The following CPA4 variants were observed in gnomAD, a reference collection of about 807,000 sequenced individuals.
The protein encoded by CPA4 is carboxypeptidase A3.
In CPA4, 49 loss-of-function variants were observed where a neutral mutation model predicts 54.7. The ratio of observed to expected loss-of-function variants is 0.90; its 90% CI spans 0.71 to 1.14. CPA4 has a LOEUF of 1.14. Among genes scored for constraint, CPA4 ranks in the 50% most tolerant of loss-of-function variants. CPA4 has a pLI of 0.00. For missense variants in CPA4, 487 were observed against 525.1 expected (o/e 0.93, Z 0.71); for synonymous variants, 215 against 206.8 (o/e 1.04, Z -0.34).
Position 130,310,946 on chromosome 7 carries a change from A to G in CPA4, c.953A>G (p.Tyr318Cys), listed in dbSNP as rs1793902668. The change falls in exon 9 of 11, where the codon TAT (tyrosine) becomes TGT (cysteine). Residue 318 changes from tyrosine (Y) to cysteine (C), a missense_variant. Tyr to Cys is a radical substitution (Grantham distance 194). Transcript: ENST00000222482. The surrounding 1 kb of genome is among the most constrained non-coding windows in gnomAD (Gnocchi z 4.3). ...TACTCGCAGCTGCTGATGTATCCAT[A>G]TGGGTACTCAGTCAAAAAGGCCCCA... ...HSYSQLLMYP[Y>C]GYSVKKAPDA... The G allele has an allele frequency of 5.6e-6, 9 of 1,614,008 alleles. No individual in the cohort carries two copies. The highest frequency in any genetic ancestry group is 1.3e-5 in the African/African-American group (1 of 74,902).
chr7:130,314,029 A>G (rs1338493802), intron 10 of CPA4, among the ~76,000 whole-genome samples: 3 of 152,208 alleles, frequency 2.0e-5, no homozygotes, highest in Admixed American at 6.5e-5. Context: ...TTGATATCCA[A>G]CCATGGAAAA....
intron 7 of CPA4, chr7:130,308,081 G>A (rs139310952): frequency 3.7e-5 from 21 of 569,214 alleles, no homozygotes; most frequent in African/African-American, 2.8e-4. Flanking sequence ...GCATATAAAG[G>A]TCTCATCAGT....
intron 1 of CPA4, among the ~76,000 whole-genome samples, chr7:130,296,861 G>T (rs1182030455): frequency 6.6e-6 from 1 of 151,166 alleles, no homozygotes; most frequent in Admixed American, 6.6e-5. Context: ...GAGTGTTGGA[G>T]GTAGGTTATG....
intron 7 of CPA4, among the ~76,000 whole-genome samples, chr7:130,307,252 A>T (rs55936257): frequency 7.9e-6 from 1 of 126,934 alleles, no homozygotes; most frequent in Non-Finnish European, 1.8e-5. Flanking sequence ...AAAAAAAAAA[A>T]TTAAAAAACC....
At chr7:130,319,910 G>A (rs1794059941) in intron 10 of CPA4, among the ~76,000 whole-genome samples, 1 of 152,184 alleles carries the variant, frequency 6.6e-6, no homozygotes, top group Non-Finnish European at 1.5e-5. Flanking sequence ...TTCTTGGTCA[G>A]ATGAGGAAAT....
intron 3 of CPA4, among the ~76,000 whole-genome samples, chr7:130,300,189 T>G (rs1405684423): frequency 6.6e-6 from 1 of 152,162 alleles, no homozygotes. Context: ...TTTCCCAAGC[T>G]GTGTATTTCA....
Position 130,308,320 on chromosome 7 carries a change from G to A in CPA4, c.716G>A (p.Arg239Lys). The A allele has an allele frequency of 6.2e-7, 1 of 1,614,128 alleles. No homozygotes were observed. Among genetic ancestry groups the A allele is most frequent in the Non-Finnish European group, 8.5e-7 (1 of 1,180,000 alleles). Residue 239 changes from arginine (R) to lysine (K), a missense_variant, in exon 8 of 11, where the codon AGG (arginine) becomes AAG (lysine). Transcript: ENST00000222482. Reference sequence around the variant, plus strand: ...TGGCTTTTTCAGAACCGATTATGGAGGAAGACGCGGTCCCGAAATCCTGGA... The same window carrying A: ...TGGCTTTTTCAGAACCGATTATGGAAGAAGACGCGGTCCCGAAATCCTGGA... ...VYTQTQNRLW[R>K]KTRSRNPGSS...
chr7:130,296,183 A>G (rs1003434848), intron 1 of CPA4, among the ~76,000 whole-genome samples: 1 of 152,180 alleles, frequency 6.6e-6, no homozygotes, highest in Non-Finnish European at 1.5e-5. Context: ...CGTGTACAAA[A>G]GCATACAAAA....
chr7:130,293,439 C>A (rs1238160686), intron 1 of CPA4, 191 bp downstream of exon 1: 3 of 578,938 alleles, frequency 5.2e-6, no homozygotes, highest in Non-Finnish European at 9.3e-6. Flanking sequence ...GAAATCAGGA[C>A]TAGATGATCA....
At chr7:130,306,267 G>A (rs1793819465) in intron 6 of CPA4, 1 of 303,994 alleles carries the variant, frequency 3.3e-6, no homozygotes, top group East Asian at 8.3e-5. Context: ...AGGCTGCTGG[G>A]AGGGCAGCAG....
chr7:130,308,443 C>T (rs760745782), intron 8 of CPA4, 46 bp downstream of exon 8: 17 of 1,500,404 alleles, frequency 1.1e-5, no homozygotes, highest in Admixed American at 3.4e-5. Context: ...TCCCTGGGCT[C>T]GCCTGGTCTA....
intron 10 of CPA4, among the ~76,000 whole-genome samples, chr7:130,315,996 C>T (rs976647725): frequency 2.6e-5 from 4 of 151,974 alleles, no homozygotes; most frequent in South Asian, 2.1e-4. Context: ...TAATTTGGTT[C>T]GTATCAACCA....
chr7:130,306,750 C>T (rs1227361031), intron 6 of CPA4, 37 bp from the exon 7 acceptor site: 2 of 1,252,558 alleles, frequency 1.6e-6, no homozygotes, highest in Non-Finnish European at 2.3e-6. Flanking sequence ...GCCCATCCTG[C>T]CATGGGATAG....
chr7:130,311,296 G>A (rs1793909156), intron 9 of CPA4, among the ~76,000 whole-genome samples: 2 of 152,226 alleles, frequency 1.3e-5, no homozygotes, highest in Admixed American at 6.5e-5. Context: ...TGGCACCTGG[G>A]TGGGCAAGGG....
At chr7:130,298,692 G>C (rs1793691576) in intron 1 of CPA4, 54 bp from the exon 2 acceptor site, 1 of 1,113,850 alleles carries the variant, frequency 9.0e-7, no homozygotes, top group African/African-American at 1.5e-5. Context: ...TTCTTTGCCA[G>C]CTGAAAGCTC....
chr7:130,317,331 T>C (rs1440259541), intron 10 of CPA4, among the ~76,000 whole-genome samples: 1 of 152,230 alleles, frequency 6.6e-6, no homozygotes, highest in Admixed American at 6.5e-5. Flanking sequence ...AGGTGTGCAG[T>C]ATGTTATACC....
In CPA4 at chr7:130,305,976, C is replaced by T. The variant is rs1013066578; in HGVS notation, c.591+56C>T. Reference sequence around the variant, plus strand: ...TGATGGTGCCGGGGTGCCCCTGCAGCATGCCATGTGGCTGGGCCTGGGGCA... The same window carrying T: ...TGATGGTGCCGGGGTGCCCCTGCAGTATGCCATGTGGCTGGGCCTGGGGCA... On this transcript the variant is annotated intron_variant, in intron 6 of 10. Coordinates refer to ENST00000222482, the MANE Select transcript of CPA4 (RefSeq NM_016352.4). The T allele has an allele frequency of 1.4e-5, 20 of 1,445,188 alleles. No individual in the cohort carries two copies. The African/African-American group carries it at 2.8e-4, about 20-fold the overall frequency. 89.5% of individuals were successfully genotyped at this position (1,445,188 alleles called of 1,614,324 possible). A position where few individuals can be genotyped will look rare whatever the true frequency, so the allele number is the denominator to read the frequency against.
chr7:130,310,806 C>A lies in CPA4; in HGVS notation c.813C>A (p.Asn271Lys), dbSNP rs1420916288. Residue 271 changes from asparagine (N) to lysine (K), a missense_variant, in exon 9 of 11, where the codon AAC becomes AAA. Coordinates refer to ENST00000222482, the MANE Select transcript of CPA4 (RefSeq NM_016352.4). This position sits in a 1 kb window ranked among gnomAD's most constrained non-coding sequence, Gnocchi z 4.3. ...ASFAGKGASD[N>K]PCSEVYHGPH... Reference sequence around the variant, plus strand: ...CAACAGGAAAGGGAGCCAGCGACAACCCTTGCTCCGAAGTGTACCATGGAC... The same window carrying A: ...CAACAGGAAAGGGAGCCAGCGACAAACCTTGCTCCGAAGTGTACCATGGAC... 2 of 1,614,106 alleles carry A rather than the reference C, an allele frequency of 1.2e-6. No individual in the cohort carries two copies. The highest frequency in any genetic ancestry group is 1.3e-5 in the African/African-American group (1 of 74,940).
chr7:130,306,119 G>C (rs1289148739), intron 6 of CPA4, 199 bp downstream of exon 6: 4 of 593,748 alleles, frequency 6.7e-6, no homozygotes, highest in Non-Finnish European at 1.2e-5. Context: ...TGCGTTCCTG[G>C]TGGTGCACAA....
Sources: allele counts gnomAD v4.1 joint callset (sites outside exome capture counted in the v4.1 genomes callset), GRCh38; gene constraint gnomAD v4.1.1; non-coding constraint Gnocchi (gnomAD v3.1); transcripts MANE v1.5; gene names NCBI Gene and HGNC (gene_info 2026-07-23, HGNC 2026-07-21).